Variants in PTPN11 observed in about 807,000 individuals in gnomAD.
PTPN11 encodes the protein protein tyrosine phosphatase non-receptor type 11.
PTPN11 carries 6 observed loss-of-function variants against 78.8 expected under a neutral mutation model. The ratio of observed to expected loss-of-function variants is 0.08; its 90% CI spans 0.04 to 0.15. The LOEUF (loss-of-function observed/expected upper bound fraction) is 0.15, where lower values mean the gene tolerates loss of function less well. Ranked by LOEUF, PTPN11 falls within the 10% of genes least tolerant of loss-of-function variation. The probability of loss-of-function intolerance (pLI) is 1.00; values close to 1 mark genes in which losing one functional copy is unlikely to be tolerated. For missense variants in PTPN11, 386 were observed against 744.8 expected, an observed-to-expected ratio of 0.52 and a Z score of 5.61; for synonymous variants, 221 against 263.5, an observed-to-expected ratio of 0.84 and a Z score of 1.56.
At chr12:112,463,918 A>T (rs1370474922) in intron 6 of PTPN11, among the ~76,000 whole-genome samples, 2 of 152,250 alleles carry the variant, frequency 1.3e-5, no homozygotes, top group Non-Finnish European at 2.9e-5. Flanking sequence ...CAGCGAAATA[A>T]GGCTGAAAAC....
chr12:112,459,908 TACACACACACACACACAC>T (rs56846748), intron 6 of PTPN11, among the ~76,000 whole-genome samples: 1 of 146,884 alleles, frequency 6.8e-6, no homozygotes, highest in Non-Finnish European at 1.5e-5. Flanking sequence ...TCCTGATTGC[TACACACACACACACACAC>T]ACACACACAC....
Position 112,460,482 on chromosome 12 carries a change from T to G in PTPN11, c.756+4419T>G, listed in dbSNP as rs570794494. ...CAATTGTCTTATAATTTAAAAATAT[T>G]TTGTTCAATCATTTTTCAGATAAGC... On this transcript the variant is annotated intron_variant, in intron 6 of 15. Coordinates refer to ENST00000351677, the MANE Select transcript of PTPN11 (RefSeq NM_002834.5). Among the ~76,000 whole-genome samples the G allele has an allele frequency of 1.8e-4, 28 of 152,314 alleles. 1 individual carries two copies. The South Asian group carries it at 5.8e-3, about 32-fold the overall frequency.
chr12:112,425,106 G>A (rs1223955952), intron 1 of PTPN11, among the ~76,000 whole-genome samples: 6 of 151,446 alleles, frequency 4.0e-5, no homozygotes, highest in African/African-American at 7.3e-5. Context: ...CACCCGCCTC[G>A]GCCTCCAAAG....
At chr12:112,456,184 C>T (rs960146990) in intron 6 of PTPN11, 121 bp downstream of exon 6, 22 of 735,030 alleles carry the variant, frequency 3.0e-5, no homozygotes, top group East Asian at 8.1e-5. Flanking sequence ...TTTTTTAATT[C>T]GGCCATTGAT....
At chr12:112,419,577 C>T (rs2037488098) in intron 1 of PTPN11, among the ~76,000 whole-genome samples, 1 of 152,246 alleles carries the variant, frequency 6.6e-6, no homozygotes, top group African/African-American at 2.4e-5. Context: ...TTCTGGCTCA[C>T]TGTGCCACTT....
Position 112,460,845 on chromosome 12 carries a change from C to T in PTPN11, c.756+4782C>T, listed in dbSNP as rs867797372. Reference sequence around the variant, plus strand: ...GACAGAGTGCGGCTTCATCTCAAAACGAAACAAAACAAAACAATCTTAAGT... The same window carrying T: ...GACAGAGTGCGGCTTCATCTCAAAATGAAACAAAACAAAACAATCTTAAGT... On this transcript the variant is annotated intron_variant, in intron 6 of 15. Coordinates refer to ENST00000351677, the MANE Select transcript of PTPN11 (RefSeq NM_002834.5). Among the ~76,000 whole-genome samples the T allele has an allele frequency of 3.3e-5, 5 of 152,042 alleles. No homozygotes were observed. The East Asian group carries it at 5.8e-4, about 18-fold the overall frequency.
At chr12:112,486,828 A>G in intron 11 of PTPN11, 199 bp downstream of exon 11, 1 of 1,443,844 alleles carries the variant, frequency 6.9e-7, no homozygotes, top group Non-Finnish European at 9.1e-7. Context: ...GCCATTGGCC[A>G]TGGCCATGGC....
chr12:112,475,687 TATCAG>T (rs1044259714), intron 7 of PTPN11, among the ~76,000 whole-genome samples: 2 of 152,264 alleles, frequency 1.3e-5, no homozygotes, highest in Non-Finnish European at 2.9e-5. Flanking sequence ...TCTCATGTCT[TATCAG>T]GTCAGAGTCA....
At chr12:112,481,992 C>A in intron 9 of PTPN11, 82 bp from the exon 10 acceptor site, 1 of 1,432,748 alleles carries the variant, frequency 7.0e-7, no homozygotes, top group Non-Finnish European at 9.8e-7. Flanking sequence ...TTAAGCAAGA[C>A]TTGAACATTT....
intron 11 of PTPN11, chr12:112,486,830 G>A: frequency 1.4e-6 from 2 of 1,442,302 alleles, no homozygotes; most frequent in Non-Finnish European, 1.8e-6. Context: ...CATTGGCCAT[G>A]GCCATGGCAA....
intron 13 of PTPN11, among the ~76,000 whole-genome samples, chr12:112,491,169 A>C (rs2038740130): frequency 6.6e-6 from 1 of 152,174 alleles, no homozygotes; most frequent in Non-Finnish European, 1.5e-5. Flanking sequence ...GGAAAGTGCA[A>C]ACGAAGCAAG....
In PTPN11 at chr12:112,454,665, A is replaced by G. The variant is rs1161226067; in HGVS notation, c.627A>G (p.Val209=). Residue 209 remains valine, a synonymous_variant, in exon 5 of 16, where the codon GTA becomes GTG. Coordinates refer to ENST00000351677, the MANE Select transcript of PTPN11 (RefSeq NM_002834.5). ...CTATGGTGGAAACATTGGGTACAGT[A>G]CTACAACTCAAGCAGGTGAGCAGAT... ...KNPMVETLGT[V]LQLKQPLNTT... is the part of the protein sequence containing the mutation. 1.2e-6 allele frequency: 2 copies of G among 1,610,366 alleles called. No individual in the cohort carries two copies. Among genetic ancestry groups the G allele is most frequent in the Admixed American group, 1.7e-5 (1 of 59,964 alleles).
Position 112,446,467 on chromosome 12 carries a change from GATAGCTTGCTGCCTGC to G in PTPN11, c.137+72_137+87del, listed in dbSNP as rs2037996289. On this transcript the variant is annotated intron_variant, in intron 2 of 15. Coordinates refer to ENST00000351677, the MANE Select transcript of PTPN11 (RefSeq NM_002834.5). ...GTAGGAAGTGGTAAAACCATGCTTG[GATAGCTTGCTGCCTGC>G]ATTTCGAGTTTGAAGGCCTTATCTG... is the stretch of plus-strand genomic sequence containing the variant. The G allele has an allele frequency of 5.6e-6, 9 of 1,606,978 alleles. No individual in the cohort carries two copies. The South Asian group carries it at 8.8e-5, about 16-fold the overall frequency.
At chr12:112,465,572 G>A in intron 6 of PTPN11, among the ~76,000 whole-genome samples, 1 of 152,262 alleles carries the variant, frequency 6.6e-6, no homozygotes, top group East Asian at 1.9e-4. Context: ...TGGATGGACT[G>A]TCTCTCGGGC....
At chr12:112,420,976 A>G (rs2037515203) in intron 1 of PTPN11, among the ~76,000 whole-genome samples, 1 of 152,306 alleles carries the variant, frequency 6.6e-6, no homozygotes, top group South Asian at 2.1e-4. Flanking sequence ...TTTAGGAGAC[A>G]TCAGACGGGG....
intron 2 of PTPN11, among the ~76,000 whole-genome samples, chr12:112,447,561 G>A (rs1401197107): frequency 1.3e-5 from 2 of 151,594 alleles, no homozygotes; most frequent in Non-Finnish European, 2.9e-5. Context: ...GTGCAATGGC[G>A]TGATCTCAGC....
At chr12:112,501,318 A>C (rs1489826650) in intron 13 of PTPN11, among the ~76,000 whole-genome samples, 1 of 152,154 alleles carries the variant, frequency 6.6e-6, no homozygotes, top group Non-Finnish European at 1.5e-5. Flanking sequence ...ATCAGAACCA[A>C]AAATAAAGTT....
chr12:112,442,853 T>A (rs1190492314), intron 1 of PTPN11, among the ~76,000 whole-genome samples: 3 of 94,110 alleles, frequency 3.2e-5, no homozygotes, highest in Non-Finnish European at 5.9e-5. Flanking sequence ...TATATATATA[T>A]ATATATATAT....
rs984835672 is a variant in PTPN11 at position 112,453,046 on chromosome 12, T to A, written c.333-149T>A. The A allele has an allele frequency of 1.2e-5, 8 of 694,830 alleles. No individual in the cohort carries two copies. In the Admixed American group the frequency reaches 2.2e-4, roughly 19 times the overall value. The allele number at this position is 694,830 out of a possible 1,614,324, so 43.0% of individuals were successfully genotyped here. On this transcript the variant is annotated intron_variant, in intron 3 of 15. Transcript: ENST00000351677. Reference sequence around the variant, plus strand: ...CTGCCTGCATGGGATGCAGATTTTCTGTCTCAGGTGGGATTGATCAATCCC... The same window carrying A: ...CTGCCTGCATGGGATGCAGATTTTCAGTCTCAGGTGGGATTGATCAATCCC...
Sources: allele counts gnomAD v4.1 joint callset (sites outside exome capture counted in the v4.1 genomes callset), GRCh38; gene constraint gnomAD v4.1.1; transcripts MANE v1.5; gene names NCBI Gene and HGNC (gene_info 2026-07-23, HGNC 2026-07-21).